PCDHGA3: variants seen among roughly 807,000 people sequenced by gnomAD.
PCDHGA3 encodes the protein protocadherin gamma-A3.
PCDHGA3 carries 40 observed loss-of-function variants against 58.5 expected under a neutral mutation model. That is an observed-to-expected ratio of 0.68 (90% CI 0.53 to 0.89). PCDHGA3 has a LOEUF of 0.89. Among genes scored for constraint, PCDHGA3 ranks in the 40% least tolerant of loss-of-function variants. PCDHGA3 has a pLI of 0.00. For missense variants in PCDHGA3, 1,223 were observed against 1,195.9 expected (o/e 1.02, Z -0.33); for synonymous variants, 530 against 525.7 (o/e 1.01, Z -0.11).
chr5:141,364,518 G>A (rs769955902), intron 1 of PCDHGA3: 11 of 1,614,038 alleles, frequency 6.8e-6, no homozygotes, highest in Non-Finnish European at 9.3e-6. Context: ...GCGGAGCGCG[G>A]AGTCCGCATC....
rs756294828 is a variant in PCDHGA3, at chr5:141,417,904, G to A, written c.2424+71447G>A. 2.5e-6 allele frequency: 4 copies of A among 1,591,934 alleles called. No homozygotes were observed. The South Asian group carries it at 3.4e-5, about 13-fold the overall frequency. On this transcript the variant is annotated intron_variant, in intron 1 of 3. Transcript: ENST00000253812. Reference sequence around the variant, plus strand: ...AGAGGCGCCGGGCCGGCCCGCGGCAGGTACTATTTCCTTTGCTGCTGCCTT... The same window carrying A: ...AGAGGCGCCGGGCCGGCCCGCGGCAAGTACTATTTCCTTTGCTGCTGCCTT...
rs1039645331 is a variant in PCDHGA3, at chr5:141,420,373, T to C, written c.2424+73916T>C. ...TTTAAGATTCTAGATAACTTCTTCA[T>C]AGAGTTCGCAAAATATAGGTCAAAT... is the stretch of plus-strand genomic sequence containing the variant. On this transcript the variant is annotated intron_variant, in intron 1 of 3. Coordinates refer to ENST00000253812, the MANE Select transcript of PCDHGA3 (RefSeq NM_018916.4). 21 of 1,337,592 alleles carry C rather than the reference T, an allele frequency of 1.6e-5. No homozygotes were observed. In the African/African-American group the frequency reaches 2.4e-4, roughly 15 times the overall value. The allele number at this position is 1,337,592 out of a possible 1,614,324, so 82.9% of individuals were successfully genotyped here. A position where few individuals can be genotyped will look rare whatever the true frequency, so the allele number is the denominator to read the frequency against.
intron 1 of PCDHGA3, among the ~76,000 whole-genome samples, chr5:141,468,089 T>C (rs1349447353): frequency 6.6e-6 from 1 of 151,010 alleles, no homozygotes; most frequent in Non-Finnish European, 1.5e-5. Context: ...CTTTGGGAGG[T>C]TGAGGCAGGC....
chr5:141,350,492 A>C lies in PCDHGA3; in HGVS notation c.2424+4035A>C, dbSNP rs1758490387. The C allele has an allele frequency of 2.5e-6, 4 of 1,613,968 alleles. No homozygotes were observed. The East Asian group carries it at 8.9e-5, about 36-fold the overall frequency. On this transcript the variant is annotated intron_variant, in intron 1 of 3. Transcript: ENST00000253812. The stretch of plus-strand genomic sequence containing the variant: ...GGATTATTTCAACGTTAGTTTGGAG[A>C]GCGGGGATTTGTTAGTGAACGGTAG...
intron 1 of PCDHGA3, among the ~76,000 whole-genome samples, chr5:141,455,408 G>A (rs1024760282): frequency 6.6e-6 from 1 of 152,150 alleles, no homozygotes; most frequent in Non-Finnish European, 1.5e-5. Context: ...TACAGAGACA[G>A]AGGGAGCGGG....
chr5:141,503,136 A>G (rs1352550702), intron 2 of PCDHGA3, among the ~76,000 whole-genome samples: 5 of 151,846 alleles, frequency 3.3e-5, no homozygotes, highest in Admixed American at 2.0e-4. Context: ...GTAGCCCCTG[A>G]CACAGCCCAT....
rs2099624335 is a variant in PCDHGA3 at position 141,486,093 on chromosome 5, C to T, written c.2425-8714C>T. On this transcript the variant is annotated intron_variant, in intron 1 of 3. Coordinates refer to ENST00000253812, the MANE Select transcript of PCDHGA3 (RefSeq NM_018916.4). This position sits in a 1 kb window ranked among gnomAD's most constrained non-coding sequence, Gnocchi z 5.0. ...ACTGGAAAGCTTACTCTTTTGGGGC[C>T]CCTAGACTTTGAGAGTGAGAATTAC... 1 of 1,614,112 alleles carries T rather than the reference C, an allele frequency of 6.2e-7. No homozygotes were observed. The highest frequency in any genetic ancestry group is 8.5e-7 in the Non-Finnish European group (1 of 1,180,008).
chr5:141,352,573 T>C (rs1759048965), intron 1 of PCDHGA3: 2 of 1,613,758 alleles, frequency 1.2e-6, no homozygotes, highest in African/African-American at 2.7e-5. Flanking sequence ...CGGAAATGGC[T>C]CCCCCTCAGG....
chr5:141,485,431 C>G lies in PCDHGA3; in HGVS notation c.2425-9376C>G, dbSNP rs1594481071. ...ATTTGGACAGCGGAGCCCTGCTCAT[C>G]AAGAACCCAATCGACCGAGAGGCAC... On this transcript the variant is annotated intron_variant, in intron 1 of 3. Coordinates refer to ENST00000253812, the MANE Select transcript of PCDHGA3 (RefSeq NM_018916.4). The surrounding 1 kb of genome is among the most constrained non-coding windows in gnomAD (Gnocchi z 5.7). 8.7e-6 allele frequency: 14 copies of G among 1,614,198 alleles called. No homozygotes were observed. Among genetic ancestry groups the G allele is most frequent in the Non-Finnish European group, 1.1e-5 (13 of 1,180,038 alleles).
At chr5:141,422,289 T>G in intron 1 of PCDHGA3, 1 of 1,553,678 alleles carries the variant, frequency 6.4e-7, no homozygotes, top group African/African-American at 1.4e-5. Context: ...CCTCTTCTAT[T>G]AATTCAATTC....
chr5:141,428,546 A>C (rs1476382847), intron 1 of PCDHGA3: 1 of 263,642 alleles, frequency 3.8e-6, no homozygotes, highest in Non-Finnish European at 7.5e-6. Flanking sequence ...ATGACACCAG[A>C]AACAGTCCCC....
chr5:141,394,528 C>A (rs1465272752), intron 1 of PCDHGA3: 1 of 1,614,214 alleles, frequency 6.2e-7, no homozygotes, highest in Non-Finnish European at 8.5e-7. Flanking sequence ...ACAGACGGTT[C>A]CACTGGCGTG....
rs73265825 is a variant in PCDHGA3, at chr5:141,355,769, A to C, written c.2424+9312A>C. The C allele has an allele frequency of 1.6e-3, 2,601 of 1,613,894 alleles. 36 individuals carry two copies. In the African/African-American group the frequency reaches 0.031, roughly 19 times the overall value. On this transcript the variant is annotated intron_variant, in intron 1 of 3. Transcript: ENST00000253812. ...GTGCAAAGTGGGGCCGATGGGATTA[A>C]GTACCCAGAGCTGGTGCTGGAACGC...
In PCDHGA3 at chr5:141,351,778, G is replaced by C. The variant is rs181453842; in HGVS notation, c.2424+5321G>C. On this transcript the variant is annotated intron_variant, in intron 1 of 3. Coordinates refer to ENST00000253812, the MANE Select transcript of PCDHGA3 (RefSeq NM_018916.4). ...TGTCCTACGTGTCCGTGAGCCCGCA[G>C]AGCGGGGTGGTGTTCGCGCAGCGCG... 294 of 1,613,470 alleles carry C rather than the reference G, an allele frequency of 1.8e-4. No homozygotes were observed. The highest frequency in any genetic ancestry group is 2.5e-4 in the Non-Finnish European group (290 of 1,179,900).
intron 1 of PCDHGA3, chr5:141,423,426 GGCAGGTA>G: frequency 1.9e-6 from 3 of 1,614,028 alleles, no homozygotes; most frequent in Non-Finnish European, 2.5e-6. Flanking sequence ...AAGGCGGGTT[GGCAGGTA>G]TGCCCACGTC....
intron 1 of PCDHGA3, among the ~76,000 whole-genome samples, chr5:141,445,447 A>G (rs974383838): frequency 3.4e-4 from 51 of 152,222 alleles, no homozygotes; most frequent in Admixed American, 1.3e-3. Flanking sequence ...TGGACTAAGG[A>G]TGCAGCAATG....
chr5:141,389,845 C>T, intron 1 of PCDHGA3: 1 of 1,614,054 alleles, frequency 6.2e-7, no homozygotes. Context: ...CCACTCTCGG[C>T]CACTGCCACG....
At chr5:141,419,652 CG>C (rs767047378) in intron 1 of PCDHGA3, 3 of 1,612,590 alleles carry the variant, frequency 1.9e-6, no homozygotes, top group Non-Finnish European at 1.7e-6. Context: ...GACGCGGACT[CG>C]GGGCACAATG....
In PCDHGA3 at chr5:141,489,684, T is replaced by C. The variant is rs2099690710; in HGVS notation, c.2425-5123T>C. 1.2e-6 allele frequency: 2 copies of C among 1,614,062 alleles called. No individual in the cohort carries two copies. The highest frequency in any genetic ancestry group is 8.5e-7 in the Non-Finnish European group (1 of 1,180,034). On this transcript the variant is annotated intron_variant, in intron 1 of 3. Coordinates refer to ENST00000253812, the MANE Select transcript of PCDHGA3 (RefSeq NM_018916.4). This position sits in a 1 kb window ranked among gnomAD's most constrained non-coding sequence, Gnocchi z 4.5. ...TGCGCATCTCAGAATCAGCAGCATCTGGGGCACGATTCCCACTGGACAGTG... is the reference window on the plus strand; with the variant it reads ...TGCGCATCTCAGAATCAGCAGCATCCGGGGCACGATTCCCACTGGACAGTG...
Sources: allele counts gnomAD v4.1 joint callset (sites outside exome capture counted in the v4.1 genomes callset), GRCh38; gene constraint gnomAD v4.1.1; non-coding constraint Gnocchi (gnomAD v3.1); transcripts MANE v1.5; gene names NCBI Gene and HGNC (gene_info 2026-07-23, HGNC 2026-07-21).